Variants in SOS1 observed in about 807,000 individuals in gnomAD.
SOS1 encodes the protein SOS Ras/Rac guanine nucleotide exchange factor 1.
In SOS1, 25 loss-of-function variants were observed where a neutral mutation model predicts 157.6. The observed-to-expected ratio is 0.16, with a 90% CI of 0.12 to 0.22. SOS1 has a LOEUF of 0.22. SOS1 is among the 10% of genes least tolerant of loss of function. The pLI is 1.00. For synonymous variants in SOS1, 528 were observed against 534.0 expected (o/e 0.99, Z 0.16); for missense variants, 1,237 against 1,599.1 (o/e 0.77, Z 3.86).
At chr2:39,106,564 C>T (rs1183588900) in intron 1 of SOS1, among the ~76,000 whole-genome samples, 1 of 140,240 alleles carries the variant, frequency 7.1e-6, no homozygotes, top group Non-Finnish European at 1.5e-5. Context: ...GCACTCCAGC[C>T]TGGGCGACAG....
At position 39,035,430 on chromosome 2, in the gene SOS1, A is replaced by C. The variant is rs139274919; in HGVS notation, c.935T>G (p.Leu312Arg). The change falls in exon 7 of 23, where the codon CTT becomes CGT. Residue 312 changes from leucine to arginine, a missense_variant. Transcript: ENST00000402219. The part of the protein sequence containing the change: ...ILRPGFHDRF[L>R]SQLSKPGAAL... ...TGCCCCAGGCTTTGATAACTGACTA[A>C]GGAAACGATCATGAAAACCAGGTCG... 3 of 1,614,034 alleles carry C rather than the reference A, an allele frequency of 1.9e-6. No individual in the cohort carries two copies. Among genetic ancestry groups the C allele is most frequent in the South Asian group, 1.1e-5 (1 of 91,076 alleles).
At chr2:39,064,454 T>C (rs1407254105) in intron 2 of SOS1, among the ~76,000 whole-genome samples, 3 of 152,230 alleles carry the variant, frequency 2.0e-5, no homozygotes, top group Admixed American at 6.5e-5. Context: ...ATTTTCCTCA[T>C]TGACTAGGAT....
rs373274972 is a variant in SOS1 at position 39,115,403 on chromosome 2, TC to T, written c.87+4932del. On this transcript the variant is annotated intron_variant, in intron 1 of 22. Transcript: ENST00000402219. ...TGTCATTTGTATCAAATTTGTTCTCTCTCTTTTTTTTTTTTTTTTTTTTTTT... is the reference window on the plus strand; with the variant it reads ...TGTCATTTGTATCAAATTTGTTCTCTTCTTTTTTTTTTTTTTTTTTTTTTT... Among the ~76,000 whole-genome samples the T allele has an allele frequency of 3.8e-3, 413 of 109,288 alleles. 14 individuals carry two copies. Among genetic ancestry groups the T allele is most frequent in the East Asian group, 0.029 (39 of 1,360 alleles). The allele number at this position is 109,288 out of a possible 152,430, so 71.7% of individuals were successfully genotyped here.
At position 38,985,413 on chromosome 2, in the gene SOS1, C is replaced by A. The variant is rs1428449979; in HGVS notation, c.*411G>T. 5.7e-5 allele frequency: 6 copies of A among 104,488 alleles called. No homozygotes were observed. Among genetic ancestry groups the A allele is most frequent in the African/African-American group, 6.3e-5 (1 of 15,960 alleles). 6.5% of individuals were successfully genotyped at this position (104,488 alleles called of 1,614,324 possible). On this transcript the variant is annotated 3_prime_UTR_variant, in exon 23 of 23. Transcript: ENST00000402219. ...GAAAACAAAGGAAGATATTAAGATCCCTGTTTAAGTTTTTTTTTTTAAAAG... is the reference window on the plus strand; with the variant it reads ...GAAAACAAAGGAAGATATTAAGATCACTGTTTAAGTTTTTTTTTTTAAAAG...
chr2:39,046,183 A>T (rs543378774), intron 6 of SOS1, among the ~76,000 whole-genome samples: 3 of 152,126 alleles, frequency 2.0e-5, no homozygotes, highest in South Asian at 2.1e-4. Context: ...AAAATGATTT[A>T]AAAAATTACT....
In SOS1 at chr2:38,987,583, A is replaced by C; in HGVS notation, c.3400T>G (p.Ser1134Ala). The change falls in exon 22 of 23, where the codon TCT (serine) becomes GCT (alanine). Residue 1134 changes from serine (S) to alanine (A), a missense_variant. By Grantham distance (99) the Ser-to-Ala change is moderately conservative. Coordinates refer to ENST00000402219, the MANE Select transcript of SOS1 (RefSeq NM_005633.4). ...VTLPHGPRSA[S>A]VSSISLTKGT... ...TTGGTTAAACTTATAGATGATACAG[A>C]AGCAGATCCTGTGGGATGTTAAATT... 6.7e-7 allele frequency: 1 copy of C among 1,495,138 alleles called. No homozygotes were observed. Among genetic ancestry groups the C allele is most frequent in the Non-Finnish European group, 9.3e-7 (1 of 1,073,510 alleles). The allele number at this position is 1,495,138 out of a possible 1,614,324, so 92.6% of individuals were successfully genotyped here. A position where few individuals can be genotyped will look rare whatever the true frequency, so the allele number is the denominator to read the frequency against.
At chr2:39,113,644 A>G (rs1673526522) in intron 1 of SOS1, among the ~76,000 whole-genome samples, 1 of 152,224 alleles carries the variant, frequency 6.6e-6, no homozygotes, top group African/African-American at 2.4e-5. Flanking sequence ...GTAAAAAGGA[A>G]GCCGTAATAG....
At chr2:39,040,165 CTA>C (rs1670515649) in intron 6 of SOS1, among the ~76,000 whole-genome samples, 1 of 151,898 alleles carries the variant, frequency 6.6e-6, no homozygotes. Context: ...GCGCCCGCCA[CTA>C]CACCCGGCTA....
intron 6 of SOS1, among the ~76,000 whole-genome samples, chr2:39,043,292 A>T (rs1305481606): frequency 6.6e-6 from 1 of 152,222 alleles, no homozygotes; most frequent in East Asian, 1.9e-4. Flanking sequence ...GTCAAACCAC[A>T]TAAGAGTAAA....
rs1668521697 is a variant in SOS1 at position 38,985,348 on chromosome 2, T to C, written c.*476A>G. 1.0e-5 allele frequency: 2 copies of C among 190,488 alleles called. No homozygotes were observed. The highest frequency in any genetic ancestry group is 1.1e-4 in the Admixed American group (2 of 18,804). The allele number at this position is 190,488 out of a possible 1,614,324, so 11.8% of individuals were successfully genotyped here. On this transcript the variant is annotated 3_prime_UTR_variant, in exon 23 of 23. Transcript: ENST00000402219. The stretch of plus-strand genomic sequence containing the variant: ...CCTTTCCTCACAGTCCTTTGAGTGA[T>C]TTTTAAGAAAATATTCTAAAGTAGA...
chr2:39,043,797 TCTAATC>T (rs1422239753), intron 6 of SOS1, among the ~76,000 whole-genome samples: 3 of 152,118 alleles, frequency 2.0e-5, no homozygotes, highest in Non-Finnish European at 4.4e-5. Flanking sequence ...GATGACCTTA[TCTAATC>T]CTAATTACCT....
chr2:39,061,768 T>C (rs1400289939), intron 2 of SOS1, among the ~76,000 whole-genome samples: 1 of 152,158 alleles, frequency 6.6e-6, no homozygotes, highest in Non-Finnish European at 1.5e-5. Context: ...CTCTCCTAAT[T>C]TCAAGATTAA....
At chr2:39,048,195 T>C (rs1215703867) in intron 6 of SOS1, among the ~76,000 whole-genome samples, 3 of 152,216 alleles carry the variant, frequency 2.0e-5, no homozygotes, top group Non-Finnish European at 2.9e-5. Flanking sequence ...TGAAGAACAC[T>C]TATGCTTTCT....
intron 6 of SOS1, 93 bp from the exon 7 acceptor site, chr2:39,035,593 G>T: frequency 1.1e-6 from 1 of 884,822 alleles, no homozygotes; most frequent in Non-Finnish European, 1.9e-6. Flanking sequence ...GCACAATTAT[G>T]TATGTCTTTG....
intron 1 of SOS1, among the ~76,000 whole-genome samples, chr2:39,072,610 T>C (rs1671828036): frequency 6.6e-6 from 1 of 152,248 alleles, no homozygotes; most frequent in Admixed American, 6.5e-5. Context: ...ATAATTCAAA[T>C]GTTAAGTTTG....
intron 5 of SOS1, among the ~76,000 whole-genome samples, chr2:39,052,085 G>A (rs148389165): frequency 6.6e-6 from 1 of 152,206 alleles, no homozygotes; most frequent in East Asian, 1.9e-4. Context: ...CCTCTCCCCA[G>A]TGCCTGACAA....
At chr2:39,041,876 A>T (rs2124576726) in intron 6 of SOS1, among the ~76,000 whole-genome samples, 1 of 152,272 alleles carries the variant, frequency 6.6e-6, no homozygotes, top group Admixed American at 6.5e-5. Flanking sequence ...CTTCATTTTT[A>T]GATTTTTAAT....
intron 17 of SOS1, among the ~76,000 whole-genome samples, chr2:38,998,665 A>G (rs1488805590): frequency 6.6e-6 from 1 of 152,214 alleles, no homozygotes; most frequent in African/African-American, 2.4e-5. Flanking sequence ...GAATATATGT[A>G]TGAGCTTAGA....
upstream of SOS1, among the ~76,000 whole-genome samples, chr2:39,123,585 T>C (rs1298209915): frequency 2.0e-5 from 3 of 151,930 alleles, no homozygotes; most frequent in East Asian, 5.8e-4. Context: ...CTCGAACTCC[T>C]GACCTCAAGC....
Sources: allele counts gnomAD v4.1 joint callset (sites outside exome capture counted in the v4.1 genomes callset), GRCh38; gene constraint gnomAD v4.1.1; transcripts MANE v1.5; gene names NCBI Gene and HGNC (gene_info 2026-07-23, HGNC 2026-07-21).